Variants in AJAP1 observed in about 807,000 individuals in gnomAD.
The protein encoded by AJAP1 is adherens junctions associated protein 1.
In AJAP1, 5 loss-of-function variants were observed where a neutral mutation model predicts 35.0. The observed-to-expected ratio is 0.14, with a 90% CI of 0.07 to 0.30. The LOEUF is 0.30. Ranked by LOEUF, AJAP1 falls within the 10% of genes least tolerant of loss-of-function variation. The pLI, the probability that AJAP1 is intolerant of heterozygous loss-of-function variation, is 1.00. For missense variants in AJAP1, 586 were observed against 571.0 expected (o/e 1.03, Z -0.27); for synonymous variants, 284 against 249.3 (o/e 1.14, Z -1.31).
intron 2 of AJAP1, among the ~76,000 whole-genome samples, chr1:4,748,057 G>C (rs1641231581): frequency 6.6e-6 from 1 of 150,498 alleles, no homozygotes; most frequent in African/African-American, 2.4e-5. Context: ...CCCACCCACT[G>C]TGTCCCCGCA....
intron 2 of AJAP1, among the ~76,000 whole-genome samples, chr1:4,733,264 G>A (rs1184018959): frequency 1.3e-5 from 2 of 151,790 alleles, no homozygotes; most frequent in Non-Finnish European, 2.9e-5. Context: ...TACCCAAGAC[G>A]TCAGTGTCAC....
intron 2 of AJAP1, among the ~76,000 whole-genome samples, chr1:4,769,459 TGA>T (rs1286193444): frequency 1.3e-5 from 2 of 151,978 alleles, no homozygotes; most frequent in African/African-American, 4.8e-5. Flanking sequence ...GCCCAGGGTG[TGA>T]GGGGAGAAAG....
intron 4 of AJAP1, among the ~76,000 whole-genome samples, chr1:4,772,891 G>GC (rs531850465): frequency 9.5e-4 from 145 of 152,202 alleles, no homozygotes; most frequent in African/African-American, 3.3e-3. Context: ...GATCACAACA[G>GC]CCCCCCGACC....
At chr1:4,776,400 C>T (rs1304465223) in intron 5 of AJAP1, among the ~76,000 whole-genome samples, 1 of 152,198 alleles carries the variant, frequency 6.6e-6, no homozygotes, top group African/African-American at 2.4e-5. Context: ...GGTTAAATGA[C>T]TTGGCCGAGG....
At chr1:4,761,185 G>A (rs756541397) in intron 2 of AJAP1, among the ~76,000 whole-genome samples, 19 of 152,176 alleles carry the variant, frequency 1.2e-4, no homozygotes, top group Admixed American at 8.5e-4. Flanking sequence ...CCCCATTCCC[G>A]GTGCCCCTGC....
chr1:4,705,600 C>T (rs1232869408), intron 1 of AJAP1, among the ~76,000 whole-genome samples: 1 of 150,860 alleles, frequency 6.6e-6, no homozygotes, highest in Non-Finnish European at 1.5e-5. Flanking sequence ...GAGCAGGTGC[C>T]CTGGGTACCC....
chr1:4,762,702 G>T (rs1641595473), intron 2 of AJAP1, among the ~76,000 whole-genome samples: 1 of 152,196 alleles, frequency 6.6e-6, no homozygotes, highest in Non-Finnish European at 1.5e-5. Context: ...TCTGAGTTCT[G>T]TGAGTCTCCC....
intron 2 of AJAP1, among the ~76,000 whole-genome samples, chr1:4,753,305 G>A (rs1420339141): frequency 6.6e-6 from 1 of 151,774 alleles, no homozygotes; most frequent in African/African-American, 2.4e-5. Context: ...AACACCTTGA[G>A]GCTTACTGAT....
chr1:4,725,748 G>A (rs970720870), intron 2 of AJAP1, among the ~76,000 whole-genome samples: 2 of 152,024 alleles, frequency 1.3e-5, no homozygotes, highest in Non-Finnish European at 2.9e-5. Context: ...CGGGAGGGCC[G>A]GCTCCTCCCA....
chr1:4,657,511 G>C (rs1410950244), intron 1 of AJAP1, among the ~76,000 whole-genome samples: 1 of 152,192 alleles, frequency 6.6e-6, no homozygotes, highest in Non-Finnish European at 1.5e-5. Context: ...CAAGTTCAAG[G>C]TCTGGAAATG....
At chr1:4,708,906 T>C (rs1192471601) in intron 1 of AJAP1, among the ~76,000 whole-genome samples, 1 of 152,116 alleles carries the variant, frequency 6.6e-6, no homozygotes, top group Non-Finnish European at 1.5e-5. Context: ...TCTGAACAAA[T>C]CAATCACTTT....
At chr1:4,712,979 C>T (rs537999438) in intron 2 of AJAP1, among the ~76,000 whole-genome samples, 4 of 152,280 alleles carry the variant, frequency 2.6e-5, no homozygotes, top group Non-Finnish European at 5.9e-5. Context: ...CTGAATCCAC[C>T]AGGTGCTGCA....
chr1:4,690,920 G>A (rs1639725408), intron 1 of AJAP1, among the ~76,000 whole-genome samples: 1 of 152,202 alleles, frequency 6.6e-6, no homozygotes, highest in African/African-American at 2.4e-5. Context: ...ATTGGCCTGG[G>A]TCTGACTCCT....
At chr1:4,684,491 TG>T (rs1251350345) in intron 1 of AJAP1, among the ~76,000 whole-genome samples, 1 of 152,070 alleles carries the variant, frequency 6.6e-6, no homozygotes. Context: ...CCTGGCCACC[TG>T]GGGGAGGGGA....
At chr1:4,709,346 G>A (rs1640170424) in intron 1 of AJAP1, among the ~76,000 whole-genome samples, 1 of 151,906 alleles carries the variant, frequency 6.6e-6, no homozygotes, top group Non-Finnish European at 1.5e-5. Flanking sequence ...GAGTATAGTG[G>A]GGACTGTTGG....
intron 2 of AJAP1, among the ~76,000 whole-genome samples, chr1:4,762,880 C>A (rs1641601739): frequency 1.3e-5 from 2 of 152,176 alleles, no homozygotes; most frequent in Non-Finnish European, 1.5e-5. Flanking sequence ...AGGCTTGGCA[C>A]CCTCTACCAA....
At position 4,711,926 on chromosome 1, in the gene AJAP1, G is replaced by A. The variant is rs138837601; in HGVS notation, c.56G>A (p.Arg19His). 5.4e-5 allele frequency: 82 copies of A among 1,520,978 alleles called. No homozygotes were observed. The African/African-American group carries it at 1.0e-3, about 19-fold the overall frequency. The allele number at this position is 1,520,978 out of a possible 1,614,324, so 94.2% of individuals were successfully genotyped here. The change falls in exon 2 of 6, where the codon CGC (arginine) becomes CAC (histidine). Residue 19 changes from arginine (R) to histidine (H), a missense_variant. Physicochemically the swap from Arg to His is conservative, Grantham distance 29. Transcript: ENST00000378191. ...LSSMSIRWPG[R>H]PLGSHAWILI... Reference sequence around the variant, plus strand: ...TCCATGTCCATCCGCTGGCCGGGCCGCCCCCTCGGAAGCCATGCCTGGATA... The same window carrying A: ...TCCATGTCCATCCGCTGGCCGGGCCACCCCCTCGGAAGCCATGCCTGGATA...
chr1:4,741,395 G>A (rs937817389), intron 2 of AJAP1, among the ~76,000 whole-genome samples: 4 of 152,056 alleles, frequency 2.6e-5, no homozygotes, highest in African/African-American at 4.8e-5. Context: ...AGCTGCTGGC[G>A]TCCCTTGACT....
intron 1 of AJAP1, among the ~76,000 whole-genome samples, chr1:4,680,499 A>C (rs1639458741): frequency 2.0e-5 from 3 of 152,184 alleles, no homozygotes; most frequent in Admixed American, 2.0e-4. Flanking sequence ...GAGGCTGGGT[A>C]GGGGTTGGGT....
Sources: allele counts gnomAD v4.1 joint callset (sites outside exome capture counted in the v4.1 genomes callset), GRCh38; gene constraint gnomAD v4.1.1; transcripts MANE v1.5; gene names NCBI Gene and HGNC (gene_info 2026-07-23, HGNC 2026-07-21).